SNRPC: variants seen among roughly 807,000 people sequenced by gnomAD.
The protein encoded by SNRPC is small nuclear ribonucleoprotein polypeptide C.
Under a neutral mutation model 20.0 loss-of-function variants are expected in SNRPC, and 5 were observed. That is an observed-to-expected ratio of 0.25 (90% CI 0.13 to 0.53). SNRPC has a LOEUF of 0.53. Among genes scored for constraint, SNRPC ranks in the 20% least tolerant of loss-of-function variants. The pLI, the probability that SNRPC is intolerant of heterozygous loss-of-function variation, is 0.96. For synonymous variants in SNRPC, 61 were observed against 58.7 expected, an observed-to-expected ratio of 1.04 and a Z score of -0.18; for missense variants, 112 against 224.1, an observed-to-expected ratio of 0.50 and a Z score of 3.19.
chr6:34,768,088 G>C, intron 4 of SNRPC, 91 bp downstream of exon 4: 1 of 1,052,852 alleles, frequency 9.5e-7, no homozygotes, highest in Non-Finnish European at 1.4e-6. Flanking sequence ...TTCAAATGCT[G>C]TTGCATTTGT....
intron 1 of SNRPC, 137 bp from the exon 2 acceptor site, chr6:34,757,775 T>C (rs1276970661): frequency 6.3e-7 from 1 of 1,585,572 alleles, no homozygotes; most frequent in Non-Finnish European, 8.6e-7. Context: ...GTCGACGCTT[T>C]GATGCTTTTG....
intron 5 of SNRPC, among the ~76,000 whole-genome samples, chr6:34,771,042 G>A (rs1764683988): frequency 6.6e-6 from 1 of 152,134 alleles, no homozygotes; most frequent in Admixed American, 6.6e-5. Flanking sequence ...TTGAGAGTGT[G>A]TCTAGGCCAG....
intron 2 of SNRPC, among the ~76,000 whole-genome samples, chr6:34,760,436 G>T (rs542741683): frequency 1.3e-5 from 2 of 152,118 alleles, no homozygotes; most frequent in Non-Finnish European, 2.9e-5. Flanking sequence ...GGTATTTTTA[G>T]TAGCTAGTCA....
chr6:34,770,335 G>A lies in SNRPC; in HGVS notation c.295G>A (p.Gly99Ser). The part of the protein sequence containing the change: ...PGMMPAPHMG[G>S]PPMMPMMGPP... ...TATGATGCCAGCACCCCATATGGGG[G>A]GCCCTCCCATGATGCCAATGATGGG... is the stretch of plus-strand genomic sequence containing the variant. Residue 99 changes from glycine to serine, a missense_variant, in exon 5 of 6, where the codon GGC (glycine) becomes AGC (serine). Coordinates refer to ENST00000244520, the MANE Select transcript of SNRPC (RefSeq NM_003093.3). The A allele has an allele frequency of 1.2e-6, 2 of 1,613,676 alleles. No homozygotes were observed. The highest frequency in any genetic ancestry group is 8.5e-7 in the Non-Finnish European group (1 of 1,179,614).
chr6:34,767,068 A>G (rs1764623070), intron 3 of SNRPC, among the ~76,000 whole-genome samples: 1 of 152,264 alleles, frequency 6.6e-6, no homozygotes. Context: ...CTTAAAAATC[A>G]TAATCTCTTT....
chr6:34,762,508 A>G, intron 2 of SNRPC, 87 bp from the exon 3 acceptor site: 2 of 686,144 alleles, frequency 2.9e-6, no homozygotes, highest in Non-Finnish European at 5.2e-6. Context: ...GATACTAGAC[A>G]CGCTACTTAT....
In SNRPC at chr6:34,757,516, C is replaced by T. The variant is rs1294947148; in HGVS notation, c.-28C>T. 1.2e-6 allele frequency: 2 copies of T among 1,612,166 alleles called. No individual in the cohort carries two copies. Among genetic ancestry groups the T allele is most frequent in the Admixed American group, 1.7e-5 (1 of 60,008 alleles). On this transcript the variant is annotated 5_prime_UTR_variant, in exon 1 of 6. The change creates a new upstream start codon in the 5' untranslated region. Transcript: ENST00000244520. ...CGCGTCATTTCCGGGCGTCACGTAACGGAGTGGCCAACGGCCTGCAGAGCA... is the reference window on the plus strand; with the variant it reads ...CGCGTCATTTCCGGGCGTCACGTAATGGAGTGGCCAACGGCCTGCAGAGCA...
Position 34,773,304 on chromosome 6 carries a change from T to G in SNRPC, c.356-142T>G. On this transcript the variant is annotated intron_variant, in intron 5 of 5. Transcript: ENST00000244520. This position sits in a 1 kb window ranked among gnomAD's most constrained non-coding sequence, Gnocchi z 4.1. ...TTACAGATGTGATAAATTTGTTGCATTTCTTCTGTCACGTGTGTCTTTTTT... is the reference window on the plus strand; with the variant it reads ...TTACAGATGTGATAAATTTGTTGCAGTTCTTCTGTCACGTGTGTCTTTTTT... 1.5e-6 allele frequency: 1 copy of G among 652,242 alleles called. No homozygotes were observed. The allele number at this position is 652,242 out of a possible 1,614,324, so 40.4% of individuals were successfully genotyped here. A position where few individuals can be genotyped will look rare whatever the true frequency, so the allele number is the denominator to read the frequency against.
Position 34,773,333 on chromosome 6 carries a change from G to T in SNRPC, c.356-113G>T. ...TTCTGTCACGTGTGTCTTTTTTCCA[G>T]CATTTTGCAAGGGGGGCTACGTTTT... On this transcript the variant is annotated intron_variant, in intron 5 of 5. Coordinates refer to ENST00000244520, the MANE Select transcript of SNRPC (RefSeq NM_003093.3). This position sits in a 1 kb window ranked among gnomAD's most constrained non-coding sequence, Gnocchi z 4.1. 1 of 850,488 alleles carries T rather than the reference G, an allele frequency of 1.2e-6. No homozygotes were observed. The highest frequency in any genetic ancestry group is 1.8e-6 in the Non-Finnish European group (1 of 559,526). The allele number at this position is 850,488 out of a possible 1,614,324, so 52.7% of individuals were successfully genotyped here.
intron 2 of SNRPC, among the ~76,000 whole-genome samples, chr6:34,760,219 TCTC>T (rs1267142529): frequency 1.1e-4 from 16 of 151,424 alleles, no homozygotes; most frequent in Non-Finnish European, 2.4e-4. Context: ...CTCAAGCAAT[TCTC>T]CTGTCTCAGC....
rs550265251 is a variant in SNRPC at position 34,761,714 on chromosome 6, A to G, written c.52-881A>G. Among the ~76,000 whole-genome samples, 41 of 150,696 alleles carry G rather than the reference A, an allele frequency of 2.7e-4. No individual in the cohort carries two copies. The South Asian group carries it at 7.6e-3, about 28-fold the overall frequency. ...TTTTTAGCAGAGACGAGGTTTCACC[A>G]TGTTAGCCAGGATGGTCTCGATCTG... On this transcript the variant is annotated intron_variant, in intron 2 of 5. Transcript: ENST00000244520.
intron 2 of SNRPC, among the ~76,000 whole-genome samples, chr6:34,761,254 C>T (rs2127405824): frequency 6.6e-6 from 1 of 151,586 alleles, no homozygotes; most frequent in African/African-American, 2.4e-5. Flanking sequence ...ATTCTCCTGC[C>T]TCAGCCTCCC....
At chr6:34,763,037 A>G (rs1055946295) in intron 3 of SNRPC, among the ~76,000 whole-genome samples, 11 of 152,154 alleles carry the variant, frequency 7.2e-5, no homozygotes, top group African/African-American at 2.7e-4. Flanking sequence ...CAGGTTTTAG[A>G]AGTATGTTCC....
chr6:34,768,146 A>G, intron 4 of SNRPC, 149 bp downstream of exon 4: 1 of 578,604 alleles, frequency 1.7e-6, no homozygotes. Flanking sequence ...TTGAATATAG[A>G]TGCAGGTAGT....
rs1764469912 is a variant in SNRPC, at chr6:34,757,607, G to T, written c.8+56G>T. The T allele has an allele frequency of 3.8e-6, 6 of 1,579,128 alleles. No homozygotes were observed. In the Admixed American group the frequency reaches 1.0e-4, roughly 26 times the overall value. Reference sequence around the variant, plus strand: ...CGTAGTCACTAGTTGTGGCCCCCATGCAGGAGCGGAGAGCGGGTTCTGGTT... The same window carrying T: ...CGTAGTCACTAGTTGTGGCCCCCATTCAGGAGCGGAGAGCGGGTTCTGGTT... On this transcript the variant is annotated intron_variant, in intron 1 of 5. Coordinates refer to ENST00000244520, the MANE Select transcript of SNRPC (RefSeq NM_003093.3).
chr6:34,767,046 G>A (rs1360761367), intron 3 of SNRPC, among the ~76,000 whole-genome samples: 1 of 151,954 alleles, frequency 6.6e-6, no homozygotes, highest in Non-Finnish European at 1.5e-5. Context: ...TAAATTGATT[G>A]CATTAGACTT....
chr6:34,773,294 A>G lies in SNRPC; in HGVS notation c.356-152A>G, dbSNP rs1291224640. On this transcript the variant is annotated intron_variant, in intron 5 of 5. Coordinates refer to ENST00000244520, the MANE Select transcript of SNRPC (RefSeq NM_003093.3). The surrounding 1 kb of genome is among the most constrained non-coding windows in gnomAD (Gnocchi z 4.1). ...TCTAAGTAATTTACAGATGTGATAAATTTGTTGCATTTCTTCTGTCACGTG... is the reference window on the plus strand; with the variant it reads ...TCTAAGTAATTTACAGATGTGATAAGTTTGTTGCATTTCTTCTGTCACGTG... 2 of 623,028 alleles carry G rather than the reference A, an allele frequency of 3.2e-6. No individual in the cohort carries two copies. Among genetic ancestry groups the G allele is most frequent in the East Asian group, 5.6e-5 (2 of 35,954 alleles). The allele number at this position is 623,028 out of a possible 1,614,324, so 38.6% of individuals were successfully genotyped here.
chr6:34,769,240 T>C (rs981531687), intron 4 of SNRPC, among the ~76,000 whole-genome samples: 4 of 150,208 alleles, frequency 2.7e-5, no homozygotes, highest in African/African-American at 9.8e-5. Context: ...TTTTTTTTTT[T>C]TTTTTTTGAG....
At chr6:34,757,881 G>GTCT (rs3835274) in intron 1 of SNRPC, 31 bp from the exon 2 acceptor site, 1 of 1,612,570 alleles carries the variant, frequency 6.2e-7, no homozygotes. Context: ...AGTGGTTGTC[G>GTCT]TCTTTTTCTC....
Sources: gnomAD v4.1 joint callset for allele counts (sites outside exome capture counted in the v4.1 genomes callset) on GRCh38, gnomAD v4.1.1 for gene constraint, Gnocchi (gnomAD v3.1) non-coding constraint, MANE v1.5 for transcripts, NCBI Gene and HGNC (gene_info 2026-07-23, HGNC 2026-07-21) for gene names.